Variants in TRIT1 observed in about 807,000 individuals in gnomAD.
TRIT1 encodes the protein tRNA isopentenyltransferase 1.
A neutral mutation model predicts 51.2 loss-of-function variants in TRIT1; 43 were observed. The observed-to-expected ratio is 0.84, with a 90% CI of 0.66 to 1.08. The LOEUF is 1.08. TRIT1 is among the 50% of genes least tolerant of loss of function. TRIT1 has a pLI of 0.00. For synonymous variants in TRIT1, 184 were observed against 203.9 expected, an observed-to-expected ratio of 0.90 and a Z score of 0.83; for missense variants, 528 against 578.4, an observed-to-expected ratio of 0.91 and a Z score of 0.89.
intron 2 of TRIT1, among the ~76,000 whole-genome samples, chr1:39,856,099 G>A (rs1453767497): frequency 6.6e-6 from 1 of 151,878 alleles, no homozygotes; most frequent in Non-Finnish European, 1.5e-5. Context: ...GAGGTCAGGA[G>A]TTCGAGACCA....
rs955238010 is a variant in TRIT1, at chr1:39,854,053, C to A, written c.331G>T (p.Ala111Ser). The A allele has an allele frequency of 1.9e-6, 3 of 1,607,784 alleles. No homozygotes were observed. In the African/African-American group the frequency reaches 4.0e-5, roughly 22 times the overall value. Residue 111 changes from alanine (A) to serine (S), a missense_variant, in exon 3 of 11, where the codon GCC becomes TCC. Ala to Ser is a moderately conservative substitution (Grantham distance 99). Transcript: ENST00000316891. Reference protein sequence around the residue: ...RATALIEDIFARDKIPIVVGG... With the variant: ...RATALIEDIFSRDKIPIVVGG... ...ACAACAATAGGAATTTTGTCTCGGG[C>A]AAATATATCTTCAATGTGAACATTA...
chr1:39,873,636 T>A (rs563904847), intron 1 of TRIT1, among the ~76,000 whole-genome samples: 2 of 152,338 alleles, frequency 1.3e-5, no homozygotes, highest in Non-Finnish European at 2.9e-5. Context: ...TTAATAAATG[T>A]ACCATGATGA....
At chr1:39,869,956 C>T (rs1643793861) in intron 1 of TRIT1, among the ~76,000 whole-genome samples, 1 of 152,032 alleles carries the variant, frequency 6.6e-6, no homozygotes, top group African/African-American at 2.4e-5. Flanking sequence ...GCCTGGCTGC[C>T]CCGTCTGGGA....
chr1:39,864,236 T>C (rs962054714), intron 1 of TRIT1, among the ~76,000 whole-genome samples: 11 of 151,738 alleles, frequency 7.2e-5, no homozygotes, highest in Non-Finnish European at 1.2e-4. Flanking sequence ...CTACTAGCAT[T>C]TAGAGGGTAG....
At chr1:39,853,356 A>T (rs1229147010) in intron 3 of TRIT1, among the ~76,000 whole-genome samples, 1 of 151,960 alleles carries the variant, frequency 6.6e-6, no homozygotes, top group African/African-American at 2.4e-5. Flanking sequence ...TTTTTTTAAT[A>T]TAATTTTTCT....
In TRIT1 at chr1:39,857,391, G is replaced by A. The variant is rs1475917931; in HGVS notation, c.201C>T (p.Thr67=). ...TCTGCTCTTGGGCAGAAACCTTGTT[G>A]GTGATGATGTCTAGGCCTTCATAGA... ...MQVYEGLDII[T]NKVSAQEQRI... The change falls in exon 2 of 11, where the codon ACC becomes ACT. Residue 67 remains threonine (T), a synonymous_variant. Transcript: ENST00000316891. 3 of 1,614,084 alleles carry A rather than the reference G, an allele frequency of 1.9e-6. No individual in the cohort carries two copies. The highest frequency in any genetic ancestry group is 1.1e-5 in the South Asian group (1 of 91,074).
At chr1:39,848,896 G>A (rs138609246) in intron 5 of TRIT1, among the ~76,000 whole-genome samples, 5 of 151,586 alleles carry the variant, frequency 3.3e-5, no homozygotes, top group East Asian at 3.9e-4. Flanking sequence ...GTGAGAGGTC[G>A]TAATTGTTCA....
chr1:39,877,019 C>CAA lies in TRIT1; in HGVS notation c.174+6297_174+6298dup, dbSNP rs529375001. Among the ~76,000 whole-genome samples the CAA allele has an allele frequency of 7.7e-3, 576 of 74,558 alleles. 25 individuals are homozygous for CAA. The East Asian group carries it at 0.11, about 14-fold the overall frequency. The allele number at this position is 74,558 out of a possible 152,430, so 48.9% of individuals were successfully genotyped here. ...CCTTTTCTCCTGGTTAATGGGTCTT[C>CAA]AAAAAAAAAAAAAAAAAAAAAAAAA... On this transcript the variant is annotated intron_variant, in intron 1 of 10. Transcript: ENST00000316891.
chr1:39,862,598 A>AT (rs1472364292), intron 1 of TRIT1, among the ~76,000 whole-genome samples: 1 of 152,216 alleles, frequency 6.6e-6, no homozygotes, highest in Non-Finnish European at 1.5e-5. Flanking sequence ...AAAACACAAC[A>AT]TTTTTCACAT....
chr1:39,872,375 G>A (rs373756556), intron 1 of TRIT1, among the ~76,000 whole-genome samples: 2 of 152,002 alleles, frequency 1.3e-5, no homozygotes, highest in African/African-American at 4.8e-5. Flanking sequence ...GTTACTACTC[G>A]ATACTGTAAG....
Position 39,854,587 on chromosome 1 carries a change from T to C in TRIT1, c.316-519A>G, listed in dbSNP as rs148101909. ...GAGATGCACAGGTTCTGAAGATAAA[T>C]AGACTTCAATTTCCAGGTTCAGCTC... On this transcript the variant is annotated intron_variant, in intron 2 of 10. Coordinates refer to ENST00000316891, the MANE Select transcript of TRIT1 (RefSeq NM_017646.6). Among the ~76,000 whole-genome samples the C allele has an allele frequency of 3.5e-3, 535 of 152,272 alleles. 1 individual carries two copies. The highest frequency in any genetic ancestry group is 0.012 in the African/African-American group (483 of 41,544).
chr1:39,847,129 C>T lies in TRIT1; in HGVS notation c.1006+91G>A, dbSNP rs1176570820. ...CAGATCCAAAATCTTAGAACAGGCC[C>T]AGAATCTAAAATTCATTTTCTGGGT... On this transcript the variant is annotated intron_variant, in intron 8 of 10. Coordinates refer to ENST00000316891, the MANE Select transcript of TRIT1 (RefSeq NM_017646.6). 5.7e-6 allele frequency: 6 copies of T among 1,053,922 alleles called. No individual in the cohort carries two copies. In the South Asian group the frequency reaches 7.3e-5, roughly 13 times the overall value. The allele number at this position is 1,053,922 out of a possible 1,614,324, so 65.3% of individuals were successfully genotyped here. A position where few individuals can be genotyped will look rare whatever the true frequency, so the allele number is the denominator to read the frequency against.
rs1652500477 is a variant in TRIT1 at position 39,840,087 on chromosome 1, A to G, written c.*1657T>C. 6.6e-6 allele frequency among the ~76,000 whole-genome samples: 1 copy of G among 152,220 alleles called. No homozygotes were observed. Among genetic ancestry groups the G allele is most frequent in the Admixed American group, 6.5e-5 (1 of 15,284 alleles). On this transcript the variant is annotated 3_prime_UTR_variant, in exon 11 of 11. Coordinates refer to ENST00000316891, the MANE Select transcript of TRIT1 (RefSeq NM_017646.6). ...CTCCCTGGTTAACAGCAAAGGAAAC[A>G]GCATCTCCCTCCCAGGGCTGTGTGA...
At position 39,841,670 on chromosome 1, in the gene TRIT1, A is replaced by C. The variant is rs1641909424; in HGVS notation, c.*74T>G. On this transcript the variant is annotated 3_prime_UTR_variant, in exon 11 of 11. Coordinates refer to ENST00000316891, the MANE Select transcript of TRIT1 (RefSeq NM_017646.6). ...TTCCGCATAGCACTCCTTTGCCCAG[A>C]CTGGGAGACAAACATACCCCTCCCT... 1 of 1,459,956 alleles carries C rather than the reference A, an allele frequency of 6.8e-7. No homozygotes were observed. Among genetic ancestry groups the C allele is most frequent in the African/African-American group, 1.4e-5 (1 of 70,306 alleles). 90.4% of individuals were successfully genotyped at this position (1,459,956 alleles called of 1,614,324 possible).
chr1:39,867,881 T>C (rs2124654416), intron 1 of TRIT1, among the ~76,000 whole-genome samples: 1 of 152,274 alleles, frequency 6.6e-6, no homozygotes, highest in South Asian at 2.1e-4. Context: ...GAATTCCTAC[T>C]GAGGTGAAAT....
In TRIT1 at chr1:39,839,082, CT is replaced by C. The variant is rs1484926532; in HGVS notation, c.*2661del. Among the ~76,000 whole-genome samples the C allele has an allele frequency of 1.3e-5, 2 of 152,214 alleles. No individual in the cohort carries two copies. The highest frequency in any genetic ancestry group is 2.9e-5 in the Non-Finnish European group (2 of 68,042). On this transcript the variant is annotated 3_prime_UTR_variant, in exon 11 of 11. Coordinates refer to ENST00000316891, the MANE Select transcript of TRIT1 (RefSeq NM_017646.6). ...ATCTAAAGCCTAATCAAGATTTTTA[CT>C]GACAGAAGCAGATGAACCTAATAGC...
chr1:39,848,771 C>T (rs1428290896), intron 5 of TRIT1, among the ~76,000 whole-genome samples: 2 of 151,138 alleles, frequency 1.3e-5, no homozygotes, highest in African/African-American at 2.4e-5. Context: ...TGCAGTGAGC[C>T]GAGATCGCAC....
At chr1:39,861,863 G>A (rs2124635618) in intron 1 of TRIT1, among the ~76,000 whole-genome samples, 1 of 151,408 alleles carries the variant, frequency 6.6e-6, no homozygotes, top group African/African-American at 2.4e-5. Context: ...GGCAGAGGTT[G>A]CAGTGAGCTG....
At chr1:39,844,433 G>A in intron 9 of TRIT1, 98 bp downstream of exon 9, 1 of 1,037,380 alleles carries the variant, frequency 9.6e-7, no homozygotes, top group Non-Finnish European at 1.5e-6. Flanking sequence ...TTATTCTATG[G>A]AAAAGAAGGC....
Sources: gnomAD v4.1 joint callset for allele counts (sites outside exome capture counted in the v4.1 genomes callset) on GRCh38, gnomAD v4.1.1 for gene constraint, MANE v1.5 for transcripts, NCBI Gene and HGNC (gene_info 2026-07-23, HGNC 2026-07-21) for gene names.